Variants in CHI3L1 observed in about 807,000 individuals in gnomAD.
CHI3L1 encodes the protein chitinase-3-like protein 1.
A neutral mutation model predicts 40.7 loss-of-function variants in CHI3L1; 30 were observed. That is an observed-to-expected ratio of 0.74 (90% CI 0.55 to 1.00). CHI3L1 has a LOEUF of 1.00. Ranked by LOEUF, CHI3L1 falls within the 50% of genes least tolerant of loss-of-function variation. The pLI is 0.00. For missense variants in CHI3L1, 493 were observed against 492.2 expected (o/e 1.00, Z -0.01); for synonymous variants, 210 against 192.1 (o/e 1.09, Z -0.77).
intron 3 of CHI3L1, among the ~76,000 whole-genome samples, chr1:203,184,844 C>A (rs1039638880): frequency 1.3e-5 from 2 of 152,158 alleles, no homozygotes; most frequent in Non-Finnish European, 2.9e-5. Flanking sequence ...GGGAGTTACT[C>A]TGAGGTCTGC....
chr1:203,182,677 A>C, intron 6 of CHI3L1, 54 bp downstream of exon 6: 1 of 1,610,284 alleles, frequency 6.2e-7, no homozygotes, highest in Non-Finnish European at 8.5e-7. Context: ...GGTGGCGGGG[A>C]AACAGGAGTG....
At chr1:203,184,303 A>T (rs771728811) in intron 4 of CHI3L1, among the ~76,000 whole-genome samples, 2 of 152,074 alleles carry the variant, frequency 1.3e-5, no homozygotes, top group Admixed American at 6.5e-5. Context: ...CAGAAGTCCC[A>T]TATTTTCGGG....
chr1:203,182,970 G>C lies in CHI3L1; in HGVS notation c.466-118C>G, dbSNP rs1465489276. 8 of 1,055,064 alleles carry C rather than the reference G, an allele frequency of 7.6e-6. No homozygotes were observed. The East Asian group carries it at 2.1e-4, about 27-fold the overall frequency. The allele number at this position is 1,055,064 out of a possible 1,614,324, so 65.4% of individuals were successfully genotyped here. On this transcript the variant is annotated intron_variant, in intron 5 of 9. Coordinates refer to ENST00000255409, the MANE Select transcript of CHI3L1 (RefSeq NM_001276.4). ...TGCTGTACTCCCCAACCTGCCTGGGGCCTAGTGGAAGTGATAAAGTGGCTC... is the reference window on the plus strand; with the variant it reads ...TGCTGTACTCCCCAACCTGCCTGGGCCCTAGTGGAAGTGATAAAGTGGCTC...
Position 203,186,587 on chromosome 1 carries a change from T to C in CHI3L1, c.25+12A>G. ...ACAACTCTGATGGATTAACCTTGGCTAGCCCAGATACCTGTTTGAGACGCC... is the reference window on the plus strand; with the variant it reads ...ACAACTCTGATGGATTAACCTTGGCCAGCCCAGATACCTGTTTGAGACGCC... On this transcript the variant is annotated intron_variant, in intron 1 of 9. Transcript: ENST00000255409. The C allele has an allele frequency of 6.2e-7, 1 of 1,614,144 alleles. No individual in the cohort carries two copies. Among genetic ancestry groups the C allele is most frequent in the Non-Finnish European group, 8.5e-7 (1 of 1,180,012 alleles).
chr1:203,180,443 A>G, intron 8 of CHI3L1, 27 bp downstream of exon 8: 1 of 1,520,142 alleles, frequency 6.6e-7, no homozygotes, highest in Non-Finnish European at 8.8e-7. Context: ...GTGTGGGGGA[A>G]TCCTACCTTC....
At chr1:203,185,475 G>A in intron 2 of CHI3L1, 90 bp from the exon 3 acceptor site, 2 of 1,133,794 alleles carry the variant, frequency 1.8e-6, no homozygotes, top group Non-Finnish European at 2.7e-6. Context: ...GGGGTGTGGG[G>A]TTGGGTAGGG....
Position 203,185,230 on chromosome 1 carries a change from A to G in CHI3L1, c.211T>C (p.Trp71Arg), listed in dbSNP as rs1379922043. ...ATGCCGTAGAGCGTCACATCATTCC[A>G]CTCCCAGGTGTCGATGTGATCGTTG... Reference protein sequence around the residue: ...ISNDHIDTWEWNDVTLYGMLN... With the variant: ...ISNDHIDTWERNDVTLYGMLN... Residue 71 changes from tryptophan to arginine, a missense_variant, in exon 3 of 10, where the codon TGG (tryptophan) becomes CGG (arginine). By Grantham distance (101) the Trp-to-Arg change is moderately radical. Coordinates refer to ENST00000255409, the MANE Select transcript of CHI3L1 (RefSeq NM_001276.4). The G allele has an allele frequency of 1.2e-6, 2 of 1,613,446 alleles. No individual in the cohort carries two copies. The highest frequency in any genetic ancestry group is 1.7e-5 in the Admixed American group (1 of 59,974).
chr1:203,181,266 T>G lies in CHI3L1; in HGVS notation c.607A>C (p.Ile203Leu). Reference protein sequence around the residue: ...KISQHLDFISIMTYDFHGAWR... With the variant: ...KISQHLDFISLMTYDFHGAWR... ...GCTCCATGAAAATCGTAGGTCATGATGCTAATGAAATCCAGGTGTCTGAGG... is the reference window on the plus strand; with the variant it reads ...GCTCCATGAAAATCGTAGGTCATGAGGCTAATGAAATCCAGGTGTCTGAGG... Residue 203 changes from isoleucine (I) to leucine (L), a missense_variant, in exon 7 of 10, where the codon ATC (isoleucine) becomes CTC (leucine). Coordinates refer to ENST00000255409, the MANE Select transcript of CHI3L1 (RefSeq NM_001276.4). 6.2e-7 allele frequency: 1 copy of G among 1,614,006 alleles called. No individual in the cohort carries two copies. Among genetic ancestry groups the G allele is most frequent in the Non-Finnish European group, 8.5e-7 (1 of 1,179,924 alleles).
At chr1:203,182,876 G>A (rs777494387) in intron 5 of CHI3L1, 24 bp from the exon 6 acceptor site, 4 of 1,613,272 alleles carry the variant, frequency 2.5e-6, no homozygotes, top group Middle Eastern at 1.7e-4. Context: ...AGGCAGGTGA[G>A]AGAAAGGGTC....
chr1:203,182,950 T>C, intron 5 of CHI3L1, 98 bp from the exon 6 acceptor site: 1 of 1,314,530 alleles, frequency 7.6e-7, no homozygotes, highest in South Asian at 1.3e-5. Flanking sequence ...CCATTTGCTG[T>C]ACTCCCCAAC....
In CHI3L1 at chr1:203,186,626, T is replaced by A. The variant is rs374386669; in HGVS notation, c.-3A>T. The A allele has an allele frequency of 3.1e-6, 5 of 1,614,064 alleles. No individual in the cohort carries two copies. The African/African-American group carries it at 6.7e-5, about 22-fold the overall frequency. On this transcript the variant is annotated 5_prime_UTR_variant, in exon 1 of 10. Transcript: ENST00000255409. ...GTTTGAGACGCCTTCACACCCATTCTGGCTGCAGCAGAGCAGGGCAGGGTG... is the reference window on the plus strand; with the variant it reads ...GTTTGAGACGCCTTCACACCCATTCAGGCTGCAGCAGAGCAGGGCAGGGTG...
chr1:203,181,056 C>G (rs1356821133), intron 7 of CHI3L1, 106 bp downstream of exon 7: 3 of 1,406,072 alleles, frequency 2.1e-6, no homozygotes, highest in Non-Finnish European at 2.9e-6. Flanking sequence ...CTCATGACCC[C>G]CCTCTTGCAG....
intron 4 of CHI3L1, among the ~76,000 whole-genome samples, chr1:203,184,281 TG>T (rs796993706): frequency 7.2e-5 from 11 of 152,292 alleles, no homozygotes; most frequent in African/African-American, 2.6e-4. Flanking sequence ...CCAGCCCTAA[TG>T]GTGGTAGCCC....
At position 203,185,195 on chromosome 1, in the gene CHI3L1, T is replaced by A; in HGVS notation, c.246A>T (p.Thr82=). ...AGCCCTGGCCCAACCTGTTCTTGAG[T>A]GTGTTGAGCATGCCGTAGAGCGTCA... ...NDVTLYGMLN[T]LKNRNPNLKT... The change falls in exon 3 of 10, where the codon ACA becomes ACT. Residue 82 remains threonine (T), a synonymous_variant. Transcript: ENST00000255409. 1 of 1,612,380 alleles carries A rather than the reference T, an allele frequency of 6.2e-7. No individual in the cohort carries two copies. The highest frequency in any genetic ancestry group is 2.2e-5 in the East Asian group (1 of 44,768).
chr1:203,185,162 T>C, intron 3 of CHI3L1, 22 bp downstream of exon 3: 1 of 1,611,068 alleles, frequency 6.2e-7, no homozygotes. Flanking sequence ...GTCCCTCCTC[T>C]CCTGGCCAGC....
At position 203,182,781 on chromosome 1, in the gene CHI3L1, AGACAGTGCTGCGCTGAGCAG is replaced by A; in HGVS notation, c.517_536del (p.Leu173CysfsTer7). On this transcript the variant is annotated frameshift_variant, in exon 6 of 10. Transcript: ENST00000255409. LOFTEE classifies it high-confidence loss of function. Reference sequence around the variant, plus strand: ...TGCTGTCAATGGTGACCTTCCCCGCAGACAGTGCTGCGCTGAGCAGGAGCTGCTTTTTCCCTGGCTGGGCT... The same window carrying A: ...TGCTGTCAATGGTGACCTTCCCCGCAGAGCTGCTTTTTCCCTGGCTGGGCT... 1 of 1,614,162 alleles carries A rather than the reference AGACAGTGCTGCGCTGAGCAG, an allele frequency of 6.2e-7. No individual in the cohort carries two copies.
At chr1:203,180,775 C>A in intron 7 of CHI3L1, 123 bp from the exon 8 acceptor site, 1 of 705,202 alleles carries the variant, frequency 1.4e-6, no homozygotes, top group Non-Finnish European at 2.3e-6. Flanking sequence ...TCCCCTGTCC[C>A]TCCGGGAACG....
chr1:203,180,359 G>A (rs1005555499), intron 8 of CHI3L1, 111 bp downstream of exon 8: 36 of 1,036,764 alleles, frequency 3.5e-5, no homozygotes, highest in Middle Eastern at 2.1e-4. Flanking sequence ...TGGGGCAACC[G>A]GACATTTTCT....
chr1:203,184,679 T>A (rs1180067553), intron 3 of CHI3L1, 47 bp from the exon 4 acceptor site: 1 of 1,531,992 alleles, frequency 6.5e-7, no homozygotes. Context: ...AATGACATTG[T>A]CATGACACTG....
Sources: gnomAD v4.1 joint callset for allele counts (sites outside exome capture counted in the v4.1 genomes callset) on GRCh38, gnomAD v4.1.1 for gene constraint, MANE v1.5 for transcripts, NCBI Gene and HGNC (gene_info 2026-07-23, HGNC 2026-07-21) for gene names.